The following SACM1L variants were observed in gnomAD, a reference collection of about 807,000 sequenced individuals.
SACM1L encodes the protein SAC1 like phosphatidylinositide phosphatase, also known as phosphatidylinositol-3-phosphatase SAC1.
A neutral mutation model predicts 89.5 loss-of-function variants in SACM1L; 32 were observed. The ratio of observed to expected loss-of-function variants is 0.36; its 90% CI spans 0.27 to 0.48. SACM1L has a LOEUF of 0.48. Ranked by LOEUF, SACM1L falls within the 20% of genes least tolerant of loss-of-function variation. The pLI is 0.99. For synonymous variants in SACM1L, 213 were observed against 232.8 expected (o/e 0.92, Z 0.77); for missense variants, 543 against 708.5 (o/e 0.77, Z 2.65).
At chr3:45,737,254 G>GGTTAC (rs1402227568) in intron 14 of SACM1L, 14 of 282,072 alleles carry the variant, frequency 5.0e-5, no homozygotes, top group African/African-American at 2.9e-4. Context: ...TAGAAGACTG[G>GGTTAC]GGGTAAGAGG....
At chr3:45,719,437 A>T (rs1698738533) in intron 7 of SACM1L, 63 bp from the exon 8 acceptor site, 1 of 940,158 alleles carries the variant, frequency 1.1e-6, no homozygotes, top group South Asian at 1.7e-5. Context: ...GATAGATGCA[A>T]ACAATCTAGA....
At chr3:45,708,225 T>C (rs1483824551) in intron 4 of SACM1L, among the ~76,000 whole-genome samples, 1 of 152,178 alleles carries the variant, frequency 6.6e-6, no homozygotes. Flanking sequence ...AAAGACTGCC[T>C]GTATTCATAT....
At chr3:45,715,882 A>G (rs1033720465) in intron 7 of SACM1L, among the ~76,000 whole-genome samples, 5 of 152,048 alleles carry the variant, frequency 3.3e-5, no homozygotes, top group African/African-American at 1.2e-4. Context: ...GTGAATGGAC[A>G]AACAATATTA....
At chr3:45,707,704 C>T (rs1343126898) in intron 4 of SACM1L, among the ~76,000 whole-genome samples, 1 of 152,174 alleles carries the variant, frequency 6.6e-6, no homozygotes, top group African/African-American at 2.4e-5. Flanking sequence ...AAAGTGATGC[C>T]TGCAACAGAC....
At chr3:45,704,705 G>A (rs1036950300) in intron 2 of SACM1L, among the ~76,000 whole-genome samples, 6 of 152,152 alleles carry the variant, frequency 3.9e-5, no homozygotes, top group African/African-American at 1.4e-4. Flanking sequence ...TGAATAGACT[G>A]AAAAGCTAAA....
intron 18 of SACM1L, 103 bp downstream of exon 18, chr3:45,738,976 C>G (rs1699261135): frequency 2.9e-6 from 2 of 700,852 alleles, no homozygotes; most frequent in South Asian, 3.8e-5. Context: ...TTTTATATTT[C>G]ATTACATGAA....
At chr3:45,710,237 G>A in intron 5 of SACM1L, among the ~76,000 whole-genome samples, 1 of 146,130 alleles carries the variant, frequency 6.8e-6, no homozygotes, top group East Asian at 2.0e-4. Context: ...GTCTCACTCT[G>A]TCACCTAGGC....
At chr3:45,693,069 C>T (rs1028352492) in intron 1 of SACM1L, among the ~76,000 whole-genome samples, 4 of 152,182 alleles carry the variant, frequency 2.6e-5, no homozygotes, top group African/African-American at 9.7e-5. Flanking sequence ...TGTTCCTAGG[C>T]TACAAACCTG....
chr3:45,709,051 G>C (rs1698462408), intron 4 of SACM1L, among the ~76,000 whole-genome samples: 1 of 152,114 alleles, frequency 6.6e-6, no homozygotes, highest in Non-Finnish European at 1.5e-5. Flanking sequence ...TTAGTATCTT[G>C]TTATTTGCTG....
At chr3:45,729,994 T>C (rs948023472) in intron 11 of SACM1L, among the ~76,000 whole-genome samples, 2 of 152,128 alleles carry the variant, frequency 1.3e-5, no homozygotes, top group Non-Finnish European at 2.9e-5. Flanking sequence ...TTTGTTGATA[T>C]CCTCATTTTG....
chr3:45,702,660 T>C (rs912026141), intron 1 of SACM1L, among the ~76,000 whole-genome samples: 1 of 152,238 alleles, frequency 6.6e-6, no homozygotes, highest in Non-Finnish European at 1.5e-5. Context: ...TTGTATATCC[T>C]GAGTCAGTCC....
chr3:45,728,632 A>G (rs185161619), intron 11 of SACM1L, among the ~76,000 whole-genome samples: 2 of 152,156 alleles, frequency 1.3e-5, no homozygotes, highest in African/African-American at 4.8e-5. Context: ...AGTAACATCA[A>G]TATATAATTA....
chr3:45,739,237 A>AGGGT (rs1699266085), intron 18 of SACM1L, among the ~76,000 whole-genome samples: 1 of 152,100 alleles, frequency 6.6e-6, no homozygotes, highest in Admixed American at 6.5e-5. Flanking sequence ...TCCTCTGTTC[A>AGGGT]CCAGACCCTG....
chr3:45,737,544 TC>T (rs1699227892), intron 14 of SACM1L, 38 bp from the exon 15 acceptor site: 3 of 1,564,414 alleles, frequency 1.9e-6, no homozygotes, highest in Admixed American at 2.0e-5. Flanking sequence ...TCTGCTAAAA[TC>T]TATTACACAT....
intron 13 of SACM1L, among the ~76,000 whole-genome samples, chr3:45,732,651 T>C (rs1462041050): frequency 6.6e-6 from 1 of 152,206 alleles, no homozygotes; most frequent in African/African-American, 2.4e-5. Flanking sequence ...ATTATATATA[T>C]TTTACATCTG....
Position 45,735,378 on chromosome 3 carries a change from G to T in SACM1L, c.1239+5G>T. 1 of 1,484,814 alleles carries T rather than the reference G, an allele frequency of 6.7e-7. No individual in the cohort carries two copies. Among genetic ancestry groups the T allele is most frequent in the Non-Finnish European group, 9.0e-7 (1 of 1,116,588 alleles). The allele number at this position is 1,484,814 out of a possible 1,614,324, so 92.0% of individuals were successfully genotyped here. A position where few individuals can be genotyped will look rare whatever the true frequency, so the allele number is the denominator to read the frequency against. ...TCACTTCAGGCCCAACTTCAGGTGC[G>T]AATGCTTTTTTTTTTTTTAATTGAA... is the stretch of plus-strand genomic sequence containing the variant. On this transcript the variant is annotated splice_donor_5th_base_variant and intron_variant, in intron 14 of 19. Coordinates refer to ENST00000389061, the MANE Select transcript of SACM1L (RefSeq NM_014016.5).
chr3:45,730,712 T>G (rs1699032762), intron 11 of SACM1L: 1 of 152,268 alleles, frequency 6.6e-6, no homozygotes. Context: ...TGGCTGCTTT[T>G]GAAAGTCCTA....
intron 5 of SACM1L, among the ~76,000 whole-genome samples, chr3:45,711,245 G>T (rs1698521519): frequency 6.6e-6 from 1 of 152,120 alleles, no homozygotes; most frequent in Admixed American, 6.6e-5. Flanking sequence ...AGTGGGCCGG[G>T]GGGTTCCAGG....
chr3:45,706,276 C>T (rs1373597817), intron 3 of SACM1L, among the ~76,000 whole-genome samples: 1 of 152,096 alleles, frequency 6.6e-6, no homozygotes, highest in Non-Finnish European at 1.5e-5. Flanking sequence ...GATTCCTGAC[C>T]ACTCATCCTT....
Sources: gnomAD v4.1 joint callset for allele counts (sites outside exome capture counted in the v4.1 genomes callset) on GRCh38, gnomAD v4.1.1 for gene constraint, MANE v1.5 for transcripts, NCBI Gene and HGNC (gene_info 2026-07-23, HGNC 2026-07-21) for gene names.